YAF2: variants seen among roughly 807,000 people sequenced by gnomAD.
YAF2 encodes YY1-associated factor 2.
Under a neutral mutation model 20.1 loss-of-function variants are expected in YAF2, and 7 were observed. That is an observed-to-expected ratio of 0.35 (90% confidence interval 0.20 to 0.65). YAF2 has a LOEUF of 0.65. Ranked by LOEUF, YAF2 falls within the 30% of genes least tolerant of loss-of-function variation. The pLI is 0.69. For missense variants in YAF2, 151 were observed against 219.2 expected, an observed-to-expected ratio of 0.69 and a Z score of 1.96; for synonymous variants, 74 against 76.0, an observed-to-expected ratio of 0.97 and a Z score of 0.14.
At chr12:42,219,278 C>A (rs2067447360) in intron 2 of YAF2, among the ~76,000 whole-genome samples, 1 of 152,090 alleles carries the variant, frequency 6.6e-6, no homozygotes, top group Non-Finnish European at 1.5e-5. Context: ...TCGTCTACCC[C>A]AAAAAGTTTG....
Position 42,207,789 on chromosome 12 carries a change from G to A in YAF2, c.152+29810C>T, listed in dbSNP as rs559657446. Reference sequence around the variant, plus strand: ...GCCTGTAGTCCCAGCTACTTGGGAGGCTGAGGCAGGAGAATGGCGTGAACC... The same window carrying A: ...GCCTGTAGTCCCAGCTACTTGGGAGACTGAGGCAGGAGAATGGCGTGAACC... On this transcript the variant is annotated intron_variant, in intron 2 of 3. Transcript: ENST00000534854. Among the ~76,000 whole-genome samples, 6 of 152,270 alleles carry A rather than the reference G, an allele frequency of 3.9e-5. No homozygotes were observed. The East Asian group carries it at 1.2e-3, about 29-fold the overall frequency.
At chr12:42,234,424 G>C in intron 2 of YAF2, 1 of 983,590 alleles carries the variant, frequency 1.0e-6, no homozygotes, top group Non-Finnish European at 1.2e-6. Flanking sequence ...TCACCATTTG[G>C]GTAATGGGTA....
chr12:42,223,188 G>C (rs2067574908), intron 2 of YAF2, among the ~76,000 whole-genome samples: 1 of 152,080 alleles, frequency 6.6e-6, no homozygotes, highest in Non-Finnish European at 1.5e-5. Context: ...TATCATAGTT[G>C]GGTGAAAGGT....
At chr12:42,224,939 G>A (rs561431625) in intron 2 of YAF2, among the ~76,000 whole-genome samples, 70 of 152,278 alleles carry the variant, frequency 4.6e-4, no homozygotes, top group African/African-American at 1.6e-3. Context: ...CTAGATCCCT[G>A]AGGAATCACC....
At chr12:42,176,136 C>A (rs1333888373) in intron 2 of YAF2, among the ~76,000 whole-genome samples, 1 of 151,384 alleles carries the variant, frequency 6.6e-6, no homozygotes, top group African/African-American at 2.4e-5. Context: ...ATCCCACTTA[C>A]TCAGGAGGCT....
chr12:42,208,131 A>T (rs1458339695), intron 2 of YAF2, among the ~76,000 whole-genome samples: 5 of 152,182 alleles, frequency 3.3e-5, no homozygotes, highest in Non-Finnish European at 5.9e-5. Flanking sequence ...GTATATTTTT[A>T]AAAAATAGCA....
intron 2 of YAF2, among the ~76,000 whole-genome samples, chr12:42,201,361 T>G (rs2066894146): frequency 6.6e-6 from 1 of 152,212 alleles, no homozygotes; most frequent in Admixed American, 6.5e-5. Flanking sequence ...CAACTGCACT[T>G]CCCTACAAAT....
intron 2 of YAF2, among the ~76,000 whole-genome samples, chr12:42,191,372 G>C (rs915386712): frequency 5.3e-5 from 8 of 151,726 alleles, no homozygotes. Flanking sequence ...TGAATCCACT[G>C]ACTTTTTTTT....
chr12:42,228,152 G>A (rs2067816114), intron 2 of YAF2, among the ~76,000 whole-genome samples: 1 of 89,716 alleles, frequency 1.1e-5, no homozygotes, highest in Non-Finnish European at 2.3e-5. Flanking sequence ...GAGGTGGGGG[G>A]GGTCGGCCCC....
At chr12:42,207,820 G>A (rs1303959659) in intron 2 of YAF2, among the ~76,000 whole-genome samples, 2 of 152,180 alleles carry the variant, frequency 1.3e-5, no homozygotes, top group East Asian at 3.9e-4. Context: ...GAACCCAGGA[G>A]GCAGAGCTTG....
chr12:42,177,937 C>A (rs2066238949), intron 2 of YAF2, among the ~76,000 whole-genome samples: 1 of 152,098 alleles, frequency 6.6e-6, no homozygotes, highest in Non-Finnish European at 1.5e-5. Flanking sequence ...CACTTCTCTA[C>A]CTACTACATT....
intron 2 of YAF2, among the ~76,000 whole-genome samples, chr12:42,223,931 T>C: frequency 6.6e-6 from 1 of 151,546 alleles, no homozygotes; most frequent in South Asian, 2.1e-4. Context: ...TGCATGCAGG[T>C]CTTAAAACCT....
chr12:42,227,537 T>A (rs1339853577), intron 2 of YAF2, among the ~76,000 whole-genome samples: 1 of 145,340 alleles, frequency 6.9e-6, no homozygotes, highest in Admixed American at 6.8e-5. Context: ...CGAGACCCCG[T>A]CTGGGAGGTG....
At chr12:42,224,663 T>C (rs975145644) in intron 2 of YAF2, among the ~76,000 whole-genome samples, 28 of 152,124 alleles carry the variant, frequency 1.8e-4, no homozygotes, top group Non-Finnish European at 2.9e-5. Flanking sequence ...GTGCTGTAAA[T>C]GATGGTTTCC....
chr12:42,206,978 C>G (rs1433156594), intron 2 of YAF2, among the ~76,000 whole-genome samples: 1 of 152,034 alleles, frequency 6.6e-6, no homozygotes, highest in Non-Finnish European at 1.5e-5. Context: ...CCTTTTTTCT[C>G]TCTCTCTCCA....
At chr12:42,179,170 G>T (rs569852919) in intron 2 of YAF2, among the ~76,000 whole-genome samples, 1 of 152,322 alleles carries the variant, frequency 6.6e-6, no homozygotes, top group South Asian at 2.1e-4. Context: ...TTTCCAAGAT[G>T]ATTCTAATGT....
At chr12:42,226,938 G>T (rs1159159221) in intron 2 of YAF2, among the ~76,000 whole-genome samples, 2 of 149,912 alleles carry the variant, frequency 1.3e-5, no homozygotes, top group Non-Finnish European at 3.0e-5. Context: ...TGGTGGCCGC[G>T]GGTGGTGGTT....
At chr12:42,199,386 A>G in intron 2 of YAF2, 1 of 278,932 alleles carries the variant, frequency 3.6e-6, no homozygotes, top group Non-Finnish European at 6.8e-6. Context: ...TGACATAAAC[A>G]TTGTTCACTA....
chr12:42,175,740 CAAAAAAAAAAA>C (rs59476115), intron 2 of YAF2, among the ~76,000 whole-genome samples: 100 of 45,006 alleles, frequency 2.2e-3, no homozygotes, highest in Non-Finnish European at 3.1e-3. Context: ...GACTCTGTCT[CAAAAAAAAAAA>C]AAAAAAAAAA....
Sources: allele counts gnomAD v4.1 joint callset (sites outside exome capture counted in the v4.1 genomes callset), GRCh38; gene constraint gnomAD v4.1.1; transcripts MANE v1.5; gene names NCBI Gene and HGNC (gene_info 2026-07-23, HGNC 2026-07-21).